The following PTPRK variants were observed in gnomAD, a reference collection of about 807,000 sequenced individuals.
The protein encoded by PTPRK is receptor-type tyrosine-protein phosphatase kappa.
In PTPRK, 75 loss-of-function variants were observed where a neutral mutation model predicts 178.0. The ratio of observed to expected loss-of-function variants is 0.42; its 90% CI spans 0.35 to 0.51. The LOEUF (loss-of-function observed/expected upper bound fraction) is 0.51. PTPRK is among the 20% of genes least tolerant of loss of function. PTPRK has a pLI of 0.02. For missense variants in PTPRK, 1,441 were observed against 1,797.8 expected, an observed-to-expected ratio of 0.80 and a Z score of 3.59; for synonymous variants, 637 against 620.6, an observed-to-expected ratio of 1.03 and a Z score of -0.39.
At chr6:128,022,781 T>C (rs1389374890) in intron 13 of PTPRK, among the ~76,000 whole-genome samples, 2 of 152,332 alleles carry the variant, frequency 1.3e-5, no homozygotes, top group Non-Finnish European at 2.9e-5. Flanking sequence ...TGGATATCAC[T>C]GAATTTATAT....
intron 3 of PTPRK, among the ~76,000 whole-genome samples, chr6:128,304,117 T>C (rs938327673): frequency 3.3e-5 from 5 of 152,222 alleles, no homozygotes; most frequent in Non-Finnish European, 7.3e-5. Flanking sequence ...AGAGGCACAG[T>C]AGTGCCTTCT....
intron 6 of PTPRK, among the ~76,000 whole-genome samples, chr6:128,202,580 A>G (rs540109531): frequency 1.3e-5 from 2 of 152,236 alleles, no homozygotes; most frequent in African/African-American, 4.8e-5. Context: ...GTTAAGACCA[A>G]CTGGCTTGGA....
In PTPRK at chr6:128,309,041, T is replaced by C. The variant is rs1046918632; in HGVS notation, c.495+12998A>G. Reference sequence around the variant, plus strand: ...CTAAAAAATGATAGGGTTGCCATTCTCTATATTAAATGTCTCACCACTCAA... The same window carrying C: ...CTAAAAAATGATAGGGTTGCCATTCCCTATATTAAATGTCTCACCACTCAA... On this transcript the variant is annotated intron_variant, in intron 3 of 29. Coordinates refer to ENST00000368226, the MANE Select transcript of PTPRK (RefSeq NM_002844.4). 1.1e-4 allele frequency among the ~76,000 whole-genome samples: 16 copies of C among 152,302 alleles called. No individual in the cohort carries two copies. The South Asian group carries it at 3.3e-3, about 32-fold the overall frequency.
At chr6:128,193,285 A>G (rs1030049559) in intron 6 of PTPRK, among the ~76,000 whole-genome samples, 4 of 148,900 alleles carry the variant, frequency 2.7e-5, no homozygotes, top group South Asian at 2.1e-4. Flanking sequence ...CTTGTGAAAA[A>G]AAAAAAAAAA....
chr6:128,088,520 G>A (rs1786363533), intron 8 of PTPRK, among the ~76,000 whole-genome samples: 2 of 152,090 alleles, frequency 1.3e-5, no homozygotes, highest in Non-Finnish European at 2.9e-5. Flanking sequence ...ATTTAGCTTT[G>A]CCTCAGTTCA....
At chr6:128,238,274 A>G in intron 5 of PTPRK, 1 of 369,640 alleles carries the variant, frequency 2.7e-6, no homozygotes, top group Non-Finnish European at 5.2e-6. Flanking sequence ...TTTACCTCTC[A>G]TCTTTGCTAC....
At chr6:128,210,930 A>T (rs1443289390) in intron 6 of PTPRK, among the ~76,000 whole-genome samples, 2 of 152,160 alleles carry the variant, frequency 1.3e-5, no homozygotes, top group Non-Finnish European at 2.9e-5. Flanking sequence ...ATCATAGCTA[A>T]ATCTATGACT....
At chr6:128,040,589 T>C (rs1386270655) in intron 13 of PTPRK, among the ~76,000 whole-genome samples, 1 of 152,072 alleles carries the variant, frequency 6.6e-6, no homozygotes, top group African/African-American at 2.4e-5. Context: ...ATATGGAACA[T>C]CTCTCACATG....
intron 13 of PTPRK, among the ~76,000 whole-genome samples, chr6:128,060,998 C>T (rs969966882): frequency 3.9e-5 from 6 of 152,100 alleles, no homozygotes; most frequent in African/African-American, 1.4e-4. Context: ...AATTCAATTA[C>T]CAACTCAACA....
intron 5 of PTPRK, among the ~76,000 whole-genome samples, chr6:128,228,675 CA>C (rs1811810481): frequency 1.4e-5 from 2 of 138,248 alleles, no homozygotes; most frequent in Non-Finnish European, 3.1e-5. Context: ...AAAAAAAAAG[CA>C]AAAACAACAA....
At chr6:128,279,782 T>C (rs865943551) in intron 3 of PTPRK, among the ~76,000 whole-genome samples, 1 of 152,196 alleles carries the variant, frequency 6.6e-6, no homozygotes, top group Non-Finnish European at 1.5e-5. Context: ...AAAATTTTAA[T>C]GTACTGAGTG....
At chr6:128,400,324 G>A (rs1356051831) in intron 1 of PTPRK, among the ~76,000 whole-genome samples, 1 of 151,944 alleles carries the variant, frequency 6.6e-6, no homozygotes, top group Non-Finnish European at 1.5e-5. Flanking sequence ...TAAAACTAGA[G>A]GAAAAGCAAG....
chr6:128,394,270 G>A (rs1441100756), intron 2 of PTPRK, among the ~76,000 whole-genome samples: 1 of 152,084 alleles, frequency 6.6e-6, no homozygotes, highest in Admixed American at 6.5e-5. Flanking sequence ...ACATTGCACT[G>A]CTGACAGACA....
chr6:128,297,689 C>T (rs1332201226), intron 3 of PTPRK, among the ~76,000 whole-genome samples: 1 of 152,140 alleles, frequency 6.6e-6, no homozygotes, highest in African/African-American at 2.4e-5. Flanking sequence ...AGAACAAAGA[C>T]ACAGCATACC....
At chr6:128,281,891 TAGG>T (rs1446654672) in intron 3 of PTPRK, among the ~76,000 whole-genome samples, 2 of 151,958 alleles carry the variant, frequency 1.3e-5, no homozygotes, top group African/African-American at 4.8e-5. Context: ...TTAGCTGAAA[TAGG>T]AGTTCATGAG....
intron 15 of PTPRK, among the ~76,000 whole-genome samples, chr6:128,004,311 A>C (rs1007606191): frequency 5.3e-5 from 8 of 151,828 alleles, no homozygotes; most frequent in African/African-American, 1.9e-4. Context: ...ACTTAAATTT[A>C]ATTAACTTAA....
intron 7 of PTPRK, among the ~76,000 whole-genome samples, chr6:128,146,064 G>A (rs193099267): frequency 1.9e-4 from 29 of 152,202 alleles, no homozygotes; most frequent in African/African-American, 6.7e-4. Context: ...CAGCTAAGTG[G>A]GGTTGAAGGG....
chr6:128,431,474 G>C (rs1844830996), intron 1 of PTPRK, among the ~76,000 whole-genome samples: 1 of 152,036 alleles, frequency 6.6e-6, no homozygotes, highest in South Asian at 2.1e-4. Context: ...GGTGGTCATA[G>C]CTGATGATGT....
intron 8 of PTPRK, 79 bp from the exon 9 acceptor site, chr6:128,083,903 C>A: frequency 1.5e-6 from 1 of 656,534 alleles, no homozygotes. Flanking sequence ...GCTAGATAAA[C>A]AGGATTAAAA....
Sources: gnomAD v4.1 joint callset for allele counts (sites outside exome capture counted in the v4.1 genomes callset) on GRCh38, gnomAD v4.1.1 for gene constraint, MANE v1.5 for transcripts, NCBI Gene and HGNC (gene_info 2026-07-23, HGNC 2026-07-21) for gene names.